The following MOXD1 variants were observed in gnomAD, a reference collection of about 807,000 sequenced individuals.
MOXD1 encodes the protein DBH-like monooxygenase protein 1.
MOXD1 carries 62 observed loss-of-function variants against 66.6 expected under a neutral mutation model. The observed-to-expected ratio is 0.93, with a 90% CI of 0.76 to 1.15. The LOEUF (loss-of-function observed/expected upper bound fraction) is 1.15. MOXD1 is among the 50% of genes most tolerant of loss of function. MOXD1 has a pLI of 0.00. For missense variants in MOXD1, 847 were observed against 754.6 expected, an observed-to-expected ratio of 1.12 and a Z score of -1.44; for synonymous variants, 303 against 281.9, an observed-to-expected ratio of 1.07 and a Z score of -0.75.
At chr6:132,374,801 A>T in intron 1 of MOXD1, 24 bp from the exon 2 acceptor site, 1 of 1,599,854 alleles carries the variant, frequency 6.3e-7, no homozygotes, top group Non-Finnish European at 8.6e-7. Context: ...GGAAAAGAAA[A>T]ATCAGGATAC....
chr6:132,398,879 A>G (rs1359596013), intron 1 of MOXD1, among the ~76,000 whole-genome samples: 1 of 145,336 alleles, frequency 6.9e-6, no homozygotes, highest in Non-Finnish European at 1.5e-5. Context: ...GTGAGGTTGC[A>G]GTGAGCCGAG....
At chr6:132,314,000 G>C (rs1774887569) in intron 10 of MOXD1, among the ~76,000 whole-genome samples, 1 of 152,100 alleles carries the variant, frequency 6.6e-6, no homozygotes, top group African/African-American at 2.4e-5. Context: ...CTTTCATTTT[G>C]AATAGTAGTG....
chr6:132,321,979 C>A (rs1030653915), intron 8 of MOXD1, among the ~76,000 whole-genome samples: 2 of 152,186 alleles, frequency 1.3e-5, no homozygotes, highest in Non-Finnish European at 2.9e-5. Context: ...TCTAAAAACC[C>A]TGTCTCCAGC....
chr6:132,306,117 T>C (rs1383780977), intron 10 of MOXD1, among the ~76,000 whole-genome samples: 2 of 152,010 alleles, frequency 1.3e-5, no homozygotes, highest in African/African-American at 2.4e-5. Flanking sequence ...AGAACCTTCA[T>C]AAAAGGTTGA....
intron 7 of MOXD1, among the ~76,000 whole-genome samples, 200 bp downstream of exon 7, chr6:132,323,731 C>T (rs868478196): frequency 3.9e-5 from 6 of 152,300 alleles, no homozygotes; most frequent in Middle Eastern, 6.8e-3. Context: ...CTGCCAACTA[C>T]TTCTGTCTTT....
intron 6 of MOXD1, among the ~76,000 whole-genome samples, chr6:132,327,239 A>G (rs958778455): frequency 6.6e-6 from 1 of 152,212 alleles, no homozygotes; most frequent in Admixed American, 6.5e-5. Flanking sequence ...CTTTGGACCA[A>G]TTGGCATACA....
At chr6:132,330,393 C>T (rs1240108639) in intron 4 of MOXD1, among the ~76,000 whole-genome samples, 1 of 152,196 alleles carries the variant, frequency 6.6e-6, no homozygotes, top group African/African-American at 2.4e-5. Context: ...AGGCTGCGTG[C>T]TCTTTATGAG....
At chr6:132,325,887 A>T (rs1335491688) in intron 6 of MOXD1, among the ~76,000 whole-genome samples, 1 of 152,210 alleles carries the variant, frequency 6.6e-6, no homozygotes, top group Non-Finnish European at 1.5e-5. Flanking sequence ...TAAACAAATA[A>T]ATCATAAAAA....
chr6:132,310,401 T>G (rs913052401), intron 10 of MOXD1, among the ~76,000 whole-genome samples: 1 of 152,206 alleles, frequency 6.6e-6, no homozygotes, highest in Non-Finnish European at 1.5e-5. Context: ...TTGGTCGGAA[T>G]GTAAATTATT....
intron 4 of MOXD1, among the ~76,000 whole-genome samples, chr6:132,336,442 A>G (rs188592716): frequency 8.1e-4 from 123 of 152,318 alleles, no homozygotes; most frequent in African/African-American, 2.8e-3. Flanking sequence ...TCATGTGACA[A>G]TGGGAGCACA....
Position 132,386,429 on chromosome 6 carries a change from A to AAAAC in MOXD1, c.265-11656_265-11653dup, listed in dbSNP as rs1160230418. ...AAAACAAAACAAAACAAAACAAAAC[A>AAAAC]AAACAAAAAAAAAAAACAAAAAAAA... On this transcript the variant is annotated intron_variant, in intron 1 of 11. Coordinates refer to ENST00000367963, the MANE Select transcript of MOXD1 (RefSeq NM_015529.4). Among the ~76,000 whole-genome samples the AAAAC allele has an allele frequency of 8.5e-5, 10 of 118,088 alleles. No homozygotes were observed. In the East Asian group the frequency reaches 3.8e-3, roughly 45 times the overall value. 77.5% of individuals were successfully genotyped at this position (118,088 alleles called of 152,430 possible).
At position 132,298,660 on chromosome 6, in the gene MOXD1, A is replaced by G. The variant is rs139072867; in HGVS notation, c.1509-705T>C. Among the ~76,000 whole-genome samples the G allele has an allele frequency of 6.9e-3, 1,055 of 152,236 alleles. 50 individuals are homozygous for G. The highest frequency in any genetic ancestry group is 0.066 in the Admixed American group (1,007 of 15,266). On this transcript the variant is annotated intron_variant, in intron 10 of 11. Coordinates refer to ENST00000367963, the MANE Select transcript of MOXD1 (RefSeq NM_015529.4). ...ACATACATAAGGCCAAAAAACATGA[A>G]AAAATGCTCCACATCACTAATAATC... is the stretch of plus-strand genomic sequence containing the variant.
intron 10 of MOXD1, among the ~76,000 whole-genome samples, chr6:132,309,337 A>G (rs952320198): frequency 3.9e-5 from 6 of 152,194 alleles, no homozygotes; most frequent in Non-Finnish European, 8.8e-5. Context: ...CTCTTTAAGG[A>G]GAACTATCAA....
rs147978207 is a variant in MOXD1, at chr6:132,349,464, TAC to T, written c.664-20872_664-20871del. ...ATATATATATATACATATATATATA[TAC>T]ATATATATATATATACATATATATA... On this transcript the variant is annotated intron_variant, in intron 4 of 11. Coordinates refer to ENST00000367963, the MANE Select transcript of MOXD1 (RefSeq NM_015529.4). Among the ~76,000 whole-genome samples the T allele has an allele frequency of 2.3e-3, 60 of 25,606 alleles. 6 individuals carry two copies. Among genetic ancestry groups the T allele is most frequent in the African/African-American group, 5.9e-3 (31 of 5,288 alleles). The allele number at this position is 25,606 out of a possible 152,430, so 16.8% of individuals were successfully genotyped here.
At chr6:132,381,584 A>G (rs1357143752) in intron 1 of MOXD1, among the ~76,000 whole-genome samples, 1 of 152,208 alleles carries the variant, frequency 6.6e-6, no homozygotes. Flanking sequence ...ACAGTCAGCA[A>G]TAAAACCATC....
At chr6:132,327,106 T>A (rs1456651518) in intron 6 of MOXD1, among the ~76,000 whole-genome samples, 2 of 152,160 alleles carry the variant, frequency 1.3e-5, no homozygotes, top group Admixed American at 6.5e-5. Context: ...CCCTTCAGCA[T>A]CTCCAGTCAC....
Position 132,358,228 on chromosome 6 carries a change from A to T in MOXD1, c.663+14380T>A, listed in dbSNP as rs868373159. Among the ~76,000 whole-genome samples the T allele has an allele frequency of 8.5e-5, 13 of 152,314 alleles. No homozygotes were observed. The South Asian group carries it at 2.1e-3, about 24-fold the overall frequency. ...AGCTTAGGTTCATATAGGTTAAATA[A>T]AGTGTTAAAGCTCCCCCTACTAGAC... On this transcript the variant is annotated intron_variant, in intron 4 of 11. Coordinates refer to ENST00000367963, the MANE Select transcript of MOXD1 (RefSeq NM_015529.4).
At chr6:132,349,042 C>A (rs1450881577) in intron 4 of MOXD1, among the ~76,000 whole-genome samples, 2 of 151,750 alleles carry the variant, frequency 1.3e-5, no homozygotes, top group African/African-American at 2.4e-5. Flanking sequence ...TAAGTAAGTT[C>A]TTTGGTGGTG....
chr6:132,367,181 G>A (rs1043625761), intron 4 of MOXD1, among the ~76,000 whole-genome samples: 1 of 151,924 alleles, frequency 6.6e-6, no homozygotes, highest in Non-Finnish European at 1.5e-5. Flanking sequence ...TGAAGTGATG[G>A]ACAAACTAGG....
Sources: allele counts gnomAD v4.1 joint callset (sites outside exome capture counted in the v4.1 genomes callset), GRCh38; gene constraint gnomAD v4.1.1; transcripts MANE v1.5; gene names NCBI Gene and HGNC (gene_info 2026-07-23, HGNC 2026-07-21).